SLC35D4: variants seen among roughly 807,000 people sequenced by gnomAD.
The protein encoded by SLC35D4 is UDP-N-acetylglucosamine transporter SLC35D4.
the SLC35D4 span, among the ~76,000 whole-genome samples, chr18:23,395,078 TGTATTG>T: frequency 1.3e-5 from 2 of 151,830 alleles, no homozygotes; most frequent in Admixed American, 1.3e-4. Context: ...AGGAGTTTAC[TGTATTG>T]CCACTGAGCC....
At chr18:23,407,144 G>T in the SLC35D4 span, among the ~76,000 whole-genome samples, 1 of 152,134 alleles carries the variant, frequency 6.6e-6, no homozygotes, top group Admixed American at 6.5e-5. Flanking sequence ...AGGCAAAACC[G>T]GATCCATATC....
the SLC35D4 span, among the ~76,000 whole-genome samples, chr18:23,262,867 G>C: frequency 1.3e-5 from 2 of 152,230 alleles, no homozygotes; most frequent in African/African-American, 4.8e-5. Flanking sequence ...AAGAAGATGG[G>C]TGGGAATGAA....
At chr18:23,268,697 T>G in the SLC35D4 span, among the ~76,000 whole-genome samples, 1 of 152,152 alleles carries the variant, frequency 6.6e-6, no homozygotes, top group Non-Finnish European at 1.5e-5. Flanking sequence ...CTAGACGTTC[T>G]AGGGACCCCG....
the SLC35D4 span, chr18:23,297,018 T>C: frequency 6.6e-6 from 1 of 152,172 alleles, no homozygotes; most frequent in East Asian, 1.9e-4. Flanking sequence ...CGGTGGGCCT[T>C]AGGCAAGCCA....
At chr18:23,308,876 C>CTCTCTG in the SLC35D4 span, among the ~76,000 whole-genome samples, 1,259 of 140,040 alleles carry the variant, frequency 9.0e-3, 16 homozygotes, top group African/African-American at 0.025. Context: ...CTCTCTCTCT[C>CTCTCTG]TGTGTGTGTG....
At chr18:23,265,266 C>T in the SLC35D4 span, among the ~76,000 whole-genome samples, 190 of 152,244 alleles carry the variant, frequency 1.2e-3, no homozygotes, top group South Asian at 4.2e-3. Context: ...TGTTCCACGG[C>T]CCAGCCTCCA....
chr18:23,264,353 C>CTTT, the SLC35D4 span, among the ~76,000 whole-genome samples: 4 of 56,058 alleles, frequency 7.1e-5, no homozygotes, highest in Non-Finnish European at 1.1e-4. Context: ...CACTTTATTC[C>CTTT]TTTTTTTTTT....
At chr18:23,248,538 T>TTTTTTTA in the SLC35D4 span, among the ~76,000 whole-genome samples, 57 of 93,612 alleles carry the variant, frequency 6.1e-4, no homozygotes, top group African/African-American at 1.8e-3. Context: ...TTTTTTTTTT[T>TTTTTTTA]AAAAAAAGGC....
chr18:23,431,968 A>G, the SLC35D4 span, among the ~76,000 whole-genome samples: 1 of 152,190 alleles, frequency 6.6e-6, no homozygotes, highest in African/African-American at 2.4e-5. Flanking sequence ...CCCAGGGATT[A>G]GTCCACACAG....
At chr18:23,322,101 T>G in the SLC35D4 span, among the ~76,000 whole-genome samples, 1 of 152,210 alleles carries the variant, frequency 6.6e-6, no homozygotes, top group African/African-American at 2.4e-5. Flanking sequence ...GTTTATCTGA[T>G]TGTACATTTA....
chr18:23,270,485 G>T, the SLC35D4 span, among the ~76,000 whole-genome samples: 2 of 152,218 alleles, frequency 1.3e-5, no homozygotes, highest in African/African-American at 4.8e-5. Flanking sequence ...CCGCCTAGTG[G>T]AACCATGAGA....
At chr18:23,282,508 G>A in the SLC35D4 span, among the ~76,000 whole-genome samples, 90 of 152,340 alleles carry the variant, frequency 5.9e-4, 1 homozygote, top group African/African-American at 2.0e-3. Flanking sequence ...TGTGCAAGCC[G>A]CAGAATGGCT....
the SLC35D4 span, among the ~76,000 whole-genome samples, chr18:23,283,471 C>CAAAAAAAAAAAAAAAAAAAAA: frequency 2.3e-5 from 1 of 44,434 alleles, no homozygotes; most frequent in Non-Finnish European, 4.3e-5. Flanking sequence ...GACCCAGTCT[C>CAAAAAAAAAAAAAAAAAAAAA]AAAAAAAAAA....
chr18:23,351,431 A>C, the SLC35D4 span, among the ~76,000 whole-genome samples: 32 of 4,964 alleles, frequency 6.4e-3, no homozygotes, highest in African/African-American at 7.0e-3. Flanking sequence ...CAAAAACAAA[A>C]ACAAAAACAA....
chr18:23,378,048 T>C, the SLC35D4 span, among the ~76,000 whole-genome samples: 10 of 151,790 alleles, frequency 6.6e-5, no homozygotes, highest in African/African-American at 2.2e-4. Context: ...TATCTATCTA[T>C]CTAGTATCAC....
the SLC35D4 span, among the ~76,000 whole-genome samples, chr18:23,394,320 T>G: frequency 6.6e-6 from 1 of 152,206 alleles, no homozygotes; most frequent in Non-Finnish European, 1.5e-5. Flanking sequence ...ATGTTGAGCC[T>G]CTTTTCATGG....
At chr18:23,416,724 A>G in the SLC35D4 span, among the ~76,000 whole-genome samples, 6 of 152,238 alleles carry the variant, frequency 3.9e-5, no homozygotes, top group African/African-American at 1.4e-4. Context: ...ATGCACCTGC[A>G]GGAGACAGTG....
the SLC35D4 span, chr18:23,437,683 T>G: frequency 8.0e-7 from 1 of 1,254,336 alleles, no homozygotes; most frequent in Non-Finnish European, 1.1e-6. Flanking sequence ...CCAGGAAGAA[T>G]GAGGTAAAAA....
At chr18:23,275,068 T>C in the SLC35D4 span, among the ~76,000 whole-genome samples, 1 of 128,460 alleles carries the variant, frequency 7.8e-6, no homozygotes, top group Non-Finnish European at 1.6e-5. Flanking sequence ...GTAGGTGTGC[T>C]TGTGTGTGTG....
Sources: gnomAD v4.1 joint callset for allele counts (sites outside exome capture counted in the v4.1 genomes callset) on GRCh38, gnomAD v4.1.1 for gene constraint, MANE v1.5 for transcripts, NCBI Gene and HGNC (gene_info 2026-07-23, HGNC 2026-07-21) for gene names.